Variants in FAM117B observed in about 807,000 individuals in gnomAD.
The protein encoded by FAM117B is family with sequence similarity 117 member B.
A neutral mutation model predicts 52.8 loss-of-function variants in FAM117B; 22 were observed. The observed-to-expected ratio is 0.42, with a 90% CI of 0.30 to 0.59. The LOEUF (loss-of-function observed/expected upper bound fraction) is 0.59, where lower values mean the gene tolerates loss of function less well. FAM117B is among the 20% of genes least tolerant of loss of function. FAM117B has a pLI of 0.22. For missense variants in FAM117B, 678 were observed against 802.6 expected, an observed-to-expected ratio of 0.84 and a Z score of 1.88; for synonymous variants, 309 against 324.1, an observed-to-expected ratio of 0.95 and a Z score of 0.50.
At chr2:202,644,068 T>G (rs960900670) in intron 1 of FAM117B, among the ~76,000 whole-genome samples, 13 of 144,720 alleles carry the variant, frequency 9.0e-5, no homozygotes, top group East Asian at 7.8e-4. Flanking sequence ...TTTTTTGTTT[T>G]TTTTTTTTTT....
chr2:202,653,773 C>T (rs1302411499), intron 1 of FAM117B, among the ~76,000 whole-genome samples: 2 of 152,014 alleles, frequency 1.3e-5, no homozygotes, highest in Non-Finnish European at 2.9e-5. Context: ...AATTAAAGTG[C>T]GGCAAACACC....
chr2:202,754,385 A>G (rs113307368), intron 4 of FAM117B, among the ~76,000 whole-genome samples: 33 of 152,228 alleles, frequency 2.2e-4, no homozygotes, highest in African/African-American at 7.9e-4. Flanking sequence ...GTGGGAGGTG[A>G]AGAGAGGGAA....
chr2:202,702,786 C>T (rs1241265403), intron 2 of FAM117B, among the ~76,000 whole-genome samples: 2 of 152,266 alleles, frequency 1.3e-5, no homozygotes, highest in East Asian at 3.9e-4. Flanking sequence ...ATCTCCTGAC[C>T]TCGTGATCCA....
At chr2:202,710,957 G>A (rs1690948367) in intron 2 of FAM117B, among the ~76,000 whole-genome samples, 1 of 152,000 alleles carries the variant, frequency 6.6e-6, no homozygotes, top group African/African-American at 2.4e-5. Context: ...TCATTTGTCT[G>A]TTGATGGACA....
In FAM117B at chr2:202,635,677, G is replaced by T; in HGVS notation, c.490G>T (p.Glu164Ter). ...GTCGCCCACCCACCTGTGGACCGGC[G>T]AGGTGAGCGCGGCCCCACCCCCAGC... is the stretch of plus-strand genomic sequence containing the variant. Reference protein sequence around the residue: ...SSSPTHLWTGEVSAAPPPARV... With the variant: ...SSSPTHLWTG The change falls in exon 1 of 8, where the codon GAG (glutamate) becomes TAG (stop). Residue 164 changes from glutamate to a stop codon, truncating the protein, a stop_gained. Coordinates refer to ENST00000392238, the MANE Select transcript of FAM117B (RefSeq NM_173511.4). LOFTEE classifies it high-confidence loss of function. 7.1e-7 allele frequency: 1 copy of T among 1,400,182 alleles called. No individual in the cohort carries two copies. The highest frequency in any genetic ancestry group is 9.3e-7 in the Non-Finnish European group (1 of 1,077,878). 86.7% of individuals were successfully genotyped at this position (1,400,182 alleles called of 1,614,324 possible).
chr2:202,667,395 C>G (rs2105763932), intron 1 of FAM117B, among the ~76,000 whole-genome samples: 1 of 152,270 alleles, frequency 6.6e-6, no homozygotes, highest in South Asian at 2.1e-4. Context: ...GCCACCACGC[C>G]CGGCCTAAGT....
intron 1 of FAM117B, among the ~76,000 whole-genome samples, chr2:202,653,366 G>A: frequency 6.6e-6 from 1 of 152,012 alleles, no homozygotes; most frequent in East Asian, 1.9e-4. Context: ...CTTTTGTTTT[G>A]TTTTGTTTTG....
At chr2:202,760,345 G>T (rs1691867190) in intron 7 of FAM117B, among the ~76,000 whole-genome samples, 1 of 152,204 alleles carries the variant, frequency 6.6e-6, no homozygotes, top group South Asian at 2.1e-4. Context: ...GCGTGGGAAG[G>T]CTAGGTCGGA....
At chr2:202,708,300 A>G (rs1690905592) in intron 2 of FAM117B, among the ~76,000 whole-genome samples, 2 of 152,160 alleles carry the variant, frequency 1.3e-5, no homozygotes, top group Admixed American at 6.5e-5. Context: ...GATTTCTCAT[A>G]TAAGTTGAAT....
At chr2:202,765,409 T>G in intron 7 of FAM117B, 37 bp from the exon 8 acceptor site, 1 of 1,512,186 alleles carries the variant, frequency 6.6e-7, no homozygotes. Flanking sequence ...TTAAGTTCAG[T>G]GACTTAAAAG....
intron 1 of FAM117B, among the ~76,000 whole-genome samples, chr2:202,666,141 T>TA (rs1449665952): frequency 6.6e-6 from 1 of 152,200 alleles, no homozygotes; most frequent in African/African-American, 2.4e-5. Flanking sequence ...ATGGTATTGT[T>TA]ACAAAGCAAA....
chr2:202,637,614 C>G (rs1447801733), intron 1 of FAM117B, among the ~76,000 whole-genome samples: 1 of 152,194 alleles, frequency 6.6e-6, no homozygotes, highest in African/African-American at 2.4e-5. Flanking sequence ...GATTTCCCCT[C>G]CCTGCTTCAT....
rs1233704854 is a variant in FAM117B at position 202,765,807 on chromosome 2, T to A, written c.*43T>A. The stretch of plus-strand genomic sequence containing the variant: ...CTGTTGTTCTGGGAAATTGGGAACC[T>A]CCTCAGATCACTGGATTCTGATGGC... On this transcript the variant is annotated 3_prime_UTR_variant, in exon 8 of 8. Coordinates refer to ENST00000392238, the MANE Select transcript of FAM117B (RefSeq NM_173511.4). The A allele has an allele frequency of 6.3e-7, 1 of 1,576,496 alleles. No individual in the cohort carries two copies. The highest frequency in any genetic ancestry group is 8.6e-7 in the Non-Finnish European group (1 of 1,156,166).
chr2:202,674,538 G>A (rs1454629357), intron 1 of FAM117B, among the ~76,000 whole-genome samples: 1 of 152,238 alleles, frequency 6.6e-6, no homozygotes, highest in Admixed American at 6.5e-5. Flanking sequence ...ACATAGCACA[G>A]AGGTGCAGAG....
At chr2:202,703,946 A>T (rs1007431954) in intron 2 of FAM117B, among the ~76,000 whole-genome samples, 2 of 152,220 alleles carry the variant, frequency 1.3e-5, no homozygotes, top group African/African-American at 4.8e-5. Flanking sequence ...AAGGTATATA[A>T]TTCCAGTTTC....
chr2:202,682,167 G>A (rs990723069), intron 1 of FAM117B, among the ~76,000 whole-genome samples: 2 of 152,114 alleles, frequency 1.3e-5, no homozygotes, highest in African/African-American at 2.4e-5. Context: ...AAAATCTCCC[G>A]CATTTATCAT....
intron 2 of FAM117B, among the ~76,000 whole-genome samples, chr2:202,718,047 C>T (rs1401976210): frequency 6.6e-6 from 1 of 152,220 alleles, no homozygotes; most frequent in Non-Finnish European, 1.5e-5. Flanking sequence ...AGAGGAGCCT[C>T]ACCTTGTAGC....
rs1233351211 is a variant in FAM117B, at chr2:202,689,126, T to C, written c.602-6755T>C. 2.0e-5 allele frequency among the ~76,000 whole-genome samples: 3 copies of C among 152,342 alleles called. No homozygotes were observed. In the East Asian group the frequency reaches 5.8e-4, roughly 29 times the overall value. The stretch of plus-strand genomic sequence containing the variant: ...GTATGTCCAAGGGTAGACAGATTTC[T>C]GTAAATACAAATACTCATTAAAGTG... On this transcript the variant is annotated intron_variant, in intron 1 of 7. Coordinates refer to ENST00000392238, the MANE Select transcript of FAM117B (RefSeq NM_173511.4).
chr2:202,635,123 TC>T lies in FAM117B; in HGVS notation c.-60del, dbSNP rs142879660. The T allele has an allele frequency of 3.2e-6, 4 of 1,247,028 alleles. No homozygotes were observed. The highest frequency in any genetic ancestry group is 4.0e-6 in the Non-Finnish European group (4 of 995,196). 77.2% of individuals were successfully genotyped at this position (1,247,028 alleles called of 1,614,324 possible). ...GCCTGCCCTCCGGCCTCGAGAATCC[TC>T]CCCCTGCAGCCCAACAACAACAAAA... On this transcript the variant is annotated 5_prime_UTR_variant, in exon 1 of 8. Coordinates refer to ENST00000392238, the MANE Select transcript of FAM117B (RefSeq NM_173511.4).
Sources: allele counts gnomAD v4.1 joint callset (sites outside exome capture counted in the v4.1 genomes callset), GRCh38; gene constraint gnomAD v4.1.1; transcripts MANE v1.5; gene names NCBI Gene and HGNC (gene_info 2026-07-23, HGNC 2026-07-21).